Variants in MAEA observed in about 807,000 individuals in gnomAD.
The protein encoded by MAEA is macrophage erythroblast attacher, E3 ubiquitin ligase, also known as E3 ubiquitin-protein transferase MAEA.
A neutral mutation model predicts 46.2 loss-of-function variants in MAEA; 22 were observed. That is an observed-to-expected ratio of 0.48 (90% CI 0.34 to 0.68). The LOEUF (loss-of-function observed/expected upper bound fraction) is 0.68, where lower values mean the gene tolerates loss of function less well. Among genes scored for constraint, MAEA ranks in the 30% least tolerant of loss-of-function variants. The pLI, the probability that MAEA is intolerant of heterozygous loss-of-function variation, is 0.01. For missense variants in MAEA, 393 were observed against 558.1 expected, an observed-to-expected ratio of 0.70 and a Z score of 2.98; for synonymous variants, 246 against 222.6, an observed-to-expected ratio of 1.11 and a Z score of -0.94.
intron 1 of MAEA, among the ~76,000 whole-genome samples, chr4:1,297,620 A>C (rs553887652): frequency 6.6e-6 from 1 of 152,224 alleles, no homozygotes; most frequent in South Asian, 2.1e-4. Flanking sequence ...GGTCGCCTGC[A>C]TCTCTCTGTG....
At chr4:1,292,544 C>G (rs886819724) in intron 1 of MAEA, among the ~76,000 whole-genome samples, 1 of 152,116 alleles carries the variant, frequency 6.6e-6, no homozygotes, top group African/African-American at 2.4e-5. Context: ...AACGTTTGGG[C>G]TGGAGGAGCC....
intron 2 of MAEA, among the ~76,000 whole-genome samples, chr4:1,312,900 G>A (rs766736129): frequency 3.9e-5 from 6 of 152,206 alleles, no homozygotes; most frequent in Non-Finnish European, 7.3e-5. Flanking sequence ...CCATGAAACC[G>A]AAAGGAATCG....
At chr4:1,313,842 A>G (rs796350912) in intron 2 of MAEA, among the ~76,000 whole-genome samples, 4 of 152,228 alleles carry the variant, frequency 2.6e-5, no homozygotes, top group African/African-American at 9.6e-5. Context: ...CAGGAGTTTG[A>G]GATCAGCCTG....
chr4:1,314,413 A>G (rs569002171), intron 2 of MAEA, among the ~76,000 whole-genome samples: 2 of 152,218 alleles, frequency 1.3e-5, no homozygotes, highest in East Asian at 1.9e-4. Context: ...ACATTTGCCT[A>G]TAACAGTTTA....
intron 1 of MAEA, among the ~76,000 whole-genome samples, chr4:1,309,251 G>C (rs1445702576): frequency 6.6e-6 from 1 of 152,202 alleles, no homozygotes; most frequent in African/African-American, 2.4e-5. Context: ...CCTCATTCTT[G>C]AGTGATAATT....
intron 4 of MAEA, among the ~76,000 whole-genome samples, chr4:1,327,138 G>A (rs1045136880): frequency 6.6e-5 from 10 of 152,242 alleles, no homozygotes; most frequent in African/African-American, 1.9e-4. Context: ...ACTTGCCCAC[G>A]TTCTCCCAGA....
intron 1 of MAEA, among the ~76,000 whole-genome samples, chr4:1,306,479 C>G (rs1005133312): frequency 6.6e-6 from 1 of 152,146 alleles, no homozygotes; most frequent in Non-Finnish European, 1.5e-5. Flanking sequence ...CACGCTATTG[C>G]ACTCCAGCCT....
rs1452948510 is a variant in MAEA, at chr4:1,338,577, C to T, written c.1055C>T (p.Pro352Leu). The T allele has an allele frequency of 5.5e-5, 88 of 1,612,924 alleles. No individual in the cohort carries two copies. The highest frequency in any genetic ancestry group is 6.7e-5 in the Non-Finnish European group (79 of 1,179,860). The stretch of plus-strand genomic sequence containing the variant: ...GGCGACGTGATGAACGAGAACAATC[C>T]GCCCATGATGCTGCCCAACGGCTAC... ...ISGDVMNENN[P>L]PMMLPNGYVY... Residue 352 changes from proline to leucine, a missense_variant, in exon 8 of 9, where the codon CCG becomes CTG. Physicochemically the swap from Pro to Leu is moderately conservative, Grantham distance 98. Transcript: ENST00000303400.
chr4:1,322,732 C>T (rs922738954), intron 4 of MAEA, among the ~76,000 whole-genome samples: 1 of 152,174 alleles, frequency 6.6e-6, no homozygotes, highest in East Asian at 1.9e-4. Context: ...GCATGAGGCT[C>T]AGAAGGAGTG....
intron 1 of MAEA, among the ~76,000 whole-genome samples, chr4:1,299,236 T>C (rs1177319580): frequency 6.6e-6 from 1 of 152,200 alleles, no homozygotes; most frequent in Non-Finnish European, 1.5e-5. Flanking sequence ...AAACCAATTC[T>C]ACCAGTCTCC....
At chr4:1,335,532 C>T (rs1712636084) in intron 6 of MAEA, 1 of 884,938 alleles carries the variant, frequency 1.1e-6, no homozygotes, top group Non-Finnish European at 1.4e-6. Context: ...GTGTTGAAAC[C>T]ACAGAGTTAA....
At chr4:1,309,097 T>C (rs1251919748) in intron 1 of MAEA, among the ~76,000 whole-genome samples, 1 of 152,224 alleles carries the variant, frequency 6.6e-6, no homozygotes, top group Non-Finnish European at 1.5e-5. Context: ...TCTGCATTGC[T>C]GTTTCTTGTG....
intron 7 of MAEA, chr4:1,337,295 A>G (rs541185367): frequency 3.1e-5 from 12 of 393,382 alleles, no homozygotes; most frequent in African/African-American, 2.2e-4. Context: ...CCGGCAGATT[A>G]CCATTCAGAA....
At chr4:1,325,458 A>G (rs1180744481) in intron 4 of MAEA, among the ~76,000 whole-genome samples, 2 of 152,210 alleles carry the variant, frequency 1.3e-5, no homozygotes, top group African/African-American at 2.4e-5. Flanking sequence ...ACACACTTAC[A>G]TATTAGTGGA....
At chr4:1,296,539 T>C (rs963279384) in intron 1 of MAEA, among the ~76,000 whole-genome samples, 7 of 144,844 alleles carry the variant, frequency 4.8e-5, no homozygotes, top group Admixed American at 1.4e-4. Context: ...TTGTGGCTGC[T>C]CCTGCACTTG....
chr4:1,299,048 A>AT (rs1735060741), intron 1 of MAEA, among the ~76,000 whole-genome samples: 1 of 151,760 alleles, frequency 6.6e-6, no homozygotes, highest in African/African-American at 2.4e-5. Flanking sequence ...TGTCTGGCTA[A>AT]TTTTTTTATT....
chr4:1,338,173 G>C, intron 7 of MAEA: 1 of 483,684 alleles, frequency 2.1e-6, no homozygotes, highest in Admixed American at 3.5e-5. Context: ...GAGCCACTCT[G>C]TGCCTGTGGT....
chr4:1,297,606 A>C (rs1734876994), intron 1 of MAEA, among the ~76,000 whole-genome samples: 1 of 152,044 alleles, frequency 6.6e-6, no homozygotes, highest in Non-Finnish European at 1.5e-5. Context: ...TCACAGTCTG[A>C]CGCGGTCGCC....
At chr4:1,337,179 G>A (rs1712882177) in intron 7 of MAEA, 185 bp downstream of exon 7, 2 of 653,760 alleles carry the variant, frequency 3.1e-6, no homozygotes, top group Non-Finnish European at 5.1e-6. Flanking sequence ...GGCCTCGGAT[G>A]CGTCGTGCAG....
Sources: allele counts gnomAD v4.1 joint callset (sites outside exome capture counted in the v4.1 genomes callset), GRCh38; gene constraint gnomAD v4.1.1; transcripts MANE v1.5; gene names NCBI Gene and HGNC (gene_info 2026-07-23, HGNC 2026-07-21).